WASHC5: variants seen among roughly 807,000 people sequenced by gnomAD.
WASHC5 encodes WASH complex subunit 5.
In WASHC5, 101 loss-of-function variants were observed where a neutral mutation model predicts 150.4. The ratio of observed to expected loss-of-function variants is 0.67; its 90% CI spans 0.57 to 0.79. The LOEUF (loss-of-function observed/expected upper bound fraction) is 0.79. WASHC5 is among the 30% of genes least tolerant of loss of function. WASHC5 has a pLI of 0.00. For missense variants in WASHC5, 1,195 were observed against 1,396.3 expected (o/e 0.86, Z 2.30); for synonymous variants, 467 against 491.2 (o/e 0.95, Z 0.65).
intron 17 of WASHC5, among the ~76,000 whole-genome samples, chr8:125,053,609 A>G (rs745966713): frequency 2.0e-5 from 3 of 152,144 alleles, no homozygotes; most frequent in Admixed American, 6.5e-5. Context: ...TTAATATTCT[A>G]GGAAATACCA....
intron 17 of WASHC5, among the ~76,000 whole-genome samples, chr8:125,051,465 GT>G (rs1238522048): frequency 6.6e-6 from 1 of 152,186 alleles, no homozygotes; most frequent in Non-Finnish European, 1.5e-5. Context: ...CTGCAAGGGG[GT>G]TACAAAAACA....
Position 125,060,485 on chromosome 8 carries a change from C to CAAAAAAA in WASHC5, c.1521+590_1521+596dup, listed in dbSNP as rs58207257. The stretch of plus-strand genomic sequence containing the variant: ...TGGGTGACAGAACTGGATTCCGTCT[C>CAAAAAAA]AAAAAAAAAAAAAAGAGTTTATGAT... On this transcript the variant is annotated intron_variant, in intron 12 of 28. Transcript: ENST00000318410. 1.5e-3 allele frequency among the ~76,000 whole-genome samples: 197 copies of CAAAAAAA among 130,254 alleles called. 1 individual carries two copies. Among genetic ancestry groups the CAAAAAAA allele is most frequent in the African/African-American group, 5.0e-3 (186 of 37,370 alleles). The allele number at this position is 130,254 out of a possible 152,430, so 85.5% of individuals were successfully genotyped here.
chr8:125,036,342 CCTTACTG>C (rs1815704323), intron 26 of WASHC5, among the ~76,000 whole-genome samples: 1 of 152,138 alleles, frequency 6.6e-6, no homozygotes, highest in South Asian at 2.1e-4. Flanking sequence ...GACAATGAAC[CCTTACTG>C]AGGTAGACCA....
chr8:125,055,765 C>A, intron 16 of WASHC5, 94 bp from the exon 17 acceptor site: 1 of 820,696 alleles, frequency 1.2e-6, no homozygotes, highest in Non-Finnish European at 2.2e-6. Flanking sequence ...TTTAGGACAC[C>A]TGTGTCCACA....
chr8:125,076,349 C>G lies in WASHC5; in HGVS notation c.863G>C (p.Trp288Ser), dbSNP rs1019440298. 4.3e-6 allele frequency: 7 copies of G among 1,613,448 alleles called. No homozygotes were observed. Among genetic ancestry groups the G allele is most frequent in the Non-Finnish European group, 5.1e-6 (6 of 1,179,766 alleles). Reference sequence around the variant, plus strand: ...AGGAAAAAAATTAGCAATACTTGCCCAATTATCTGGAAAGTATTTATCCAC... The same window carrying G: ...AGGAAAAAAATTAGCAATACTTGCCGAATTATCTGGAAAGTATTTATCCAC... ...EIVDKYFPDNWVISIYMGITV... is the reference protein window; with the variant it reads ...EIVDKYFPDNSVISIYMGITV... The change falls in exon 7 of 29, where the codon TGG becomes TCG. Residue 288 changes from tryptophan (W) to serine (S), a missense_variant and splice_region_variant. Coordinates refer to ENST00000318410, the MANE Select transcript of WASHC5 (RefSeq NM_014846.4).
Position 125,044,004 on chromosome 8 carries a change from T to C in WASHC5, c.2758A>G (p.Lys920Glu). 2 of 1,612,868 alleles carry C rather than the reference T, an allele frequency of 1.2e-6. No individual in the cohort carries two copies. Among genetic ancestry groups the C allele is most frequent in the Non-Finnish European group, 1.7e-6 (2 of 1,178,838 alleles). ...KTLMNAVSPL[K>E]SIVANSNKIY... ...TCAGGACACTCACCGACAATACTTT[T>C]TAGGGGACTGACAGCATTCATGAGG... Residue 920 changes from lysine to glutamate, a missense_variant, in exon 22 of 29, where the codon AAA becomes GAA. By Grantham distance (56) the Lys-to-Glu change is moderately conservative. This residue lies in a region of WASHC5 where 997 missense variants were observed against 1,168.1 expected (regional missense o/e 0.85). Coordinates refer to ENST00000318410, the MANE Select transcript of WASHC5 (RefSeq NM_014846.4).
intron 9 of WASHC5, among the ~76,000 whole-genome samples, chr8:125,068,700 C>T (rs1563628410): frequency 6.6e-6 from 1 of 152,182 alleles, no homozygotes; most frequent in Non-Finnish European, 1.5e-5. Flanking sequence ...AGCAGCAGAC[C>T]TCTGGCCATC....
At chr8:125,063,995 T>A (rs963246621) in intron 10 of WASHC5, among the ~76,000 whole-genome samples, 4 of 152,170 alleles carry the variant, frequency 2.6e-5, no homozygotes, top group Non-Finnish European at 5.9e-5. Context: ...GAGATTAAAT[T>A]TGTGACCACT....
At chr8:125,046,020 G>A (rs1816056147) in intron 20 of WASHC5, among the ~76,000 whole-genome samples, 3 of 152,136 alleles carry the variant, frequency 2.0e-5, no homozygotes, top group Admixed American at 1.3e-4. Context: ...TTTGGAATAA[G>A]GTTATGCATA....
rs920977650 is a variant in WASHC5, at chr8:125,024,683, T to G, written c.3424-10A>C. On this transcript the variant is annotated splice_polypyrimidine_tract_variant and intron_variant, in intron 28 of 28. Transcript: ENST00000318410. ...CATGTGCTTCAGCAACCTGAAAAAT[T>G]AAAGAATTAAATTATTCATGGTGTT... The G allele has an allele frequency of 6.3e-7, 1 of 1,580,808 alleles. No individual in the cohort carries two copies. Among genetic ancestry groups the G allele is most frequent in the Admixed American group, 1.7e-5 (1 of 59,908 alleles).
At position 125,043,866 on chromosome 8, in the gene WASHC5, T is replaced by C; in HGVS notation, c.2809A>G (p.Thr937Ala). The change falls in exon 23 of 29, where the codon ACA becomes GCA. Residue 937 changes from threonine (T) to alanine (A), a missense_variant. Thr to Ala is a moderately conservative substitution (Grantham distance 58). Coordinates refer to ENST00000318410, the MANE Select transcript of WASHC5 (RefSeq NM_014846.4). ...AGATACGCAGTCCAAATCTTCTGTG[T>C]TTTGGCAATGGCGGAAAAATAAATT... ...NKIYFSAIAK[T>A]QKIWTAYLEA... The C allele has an allele frequency of 1.2e-6, 2 of 1,613,096 alleles. No individual in the cohort carries two copies. The highest frequency in any genetic ancestry group is 1.7e-6 in the Non-Finnish European group (2 of 1,179,052).
Position 125,061,140 on chromosome 8 carries a change from T to G in WASHC5, c.1463A>C (p.Tyr488Ser). The G allele has an allele frequency of 6.2e-7, 1 of 1,612,804 alleles. No homozygotes were observed. Among genetic ancestry groups the G allele is most frequent in the Non-Finnish European group, 8.5e-7 (1 of 1,178,844 alleles). ...EISKQILSLN[Y>S]DDSTAAGRKT... ...TCTGCCCGCAGCAGTAGAATCATCA[T>G]AATTTAAAGACAATATTTGTTTTGA... Residue 488 changes from tyrosine to serine, a missense_variant, in exon 12 of 29, where the codon TAT becomes TCT. Physicochemically the swap from Tyr to Ser is moderately radical, Grantham distance 144. Around this residue, in one of 3 missense-constraint regions of WASHC5, gnomAD observed 997 missense variants for 1,168.1 expected, o/e 0.85. Coordinates refer to ENST00000318410, the MANE Select transcript of WASHC5 (RefSeq NM_014846.4).
At chr8:125,031,674 G>T (rs982179487) in intron 27 of WASHC5, among the ~76,000 whole-genome samples, 1 of 152,156 alleles carries the variant, frequency 6.6e-6, no homozygotes, top group Non-Finnish European at 1.5e-5. Context: ...GGAGGCACAG[G>T]ACCCAGCATC....
chr8:125,075,699 C>T (rs988079739), intron 7 of WASHC5, among the ~76,000 whole-genome samples: 4 of 152,148 alleles, frequency 2.6e-5, no homozygotes, highest in African/African-American at 9.7e-5. Context: ...AAATTGAAGG[C>T]CCCTCATAAC....
At chr8:125,062,976 T>C (rs1816643997) in intron 11 of WASHC5, among the ~76,000 whole-genome samples, 1 of 152,190 alleles carries the variant, frequency 6.6e-6, no homozygotes, top group Admixed American at 6.5e-5. Context: ...AAATTTTAGT[T>C]TGTGTTTTTT....
chr8:125,041,544 G>A (rs1298802361), intron 23 of WASHC5, among the ~76,000 whole-genome samples: 1 of 152,118 alleles, frequency 6.6e-6, no homozygotes, highest in Non-Finnish European at 1.5e-5. Context: ...GGAAGGCTGA[G>A]GTATGAGAAA....
chr8:125,067,605 A>G lies in WASHC5; in HGVS notation c.1265T>C (p.Phe422Ser), dbSNP rs1474476303. ...QLLLDTAQFE[F>S]ILKEMFKQML... ...AAATATTTTTACCTCTTTGAGTATAAACTCAAATTGTGCAGTATCTAACAG... is the reference window on the plus strand; with the variant it reads ...AAATATTTTTACCTCTTTGAGTATAGACTCAAATTGTGCAGTATCTAACAG... The change falls in exon 10 of 29, where the codon TTT becomes TCT. Residue 422 changes from phenylalanine to serine, a missense_variant. Phe to Ser is a radical substitution (Grantham distance 155). Around this residue, in one of 3 missense-constraint regions of WASHC5, gnomAD observed 997 missense variants for 1,168.1 expected, o/e 0.85. Coordinates refer to ENST00000318410, the MANE Select transcript of WASHC5 (RefSeq NM_014846.4). 1 of 1,610,574 alleles carries G rather than the reference A, an allele frequency of 6.2e-7. No individual in the cohort carries two copies. The highest frequency in any genetic ancestry group is 2.2e-5 in the East Asian group (1 of 44,832).
chr8:125,024,577 TC>T lies in WASHC5; in HGVS notation c.*39del, dbSNP rs1815318520. On this transcript the variant is annotated 3_prime_UTR_variant, in exon 29 of 29. Transcript: ENST00000318410. ...AAATTCATTTGTGATGGTGGGAAGA[TC>T]TAAGGACAATCCTTCCATTGAAGAA... 1 of 1,420,214 alleles carries T rather than the reference TC, an allele frequency of 7.0e-7. No individual in the cohort carries two copies. Among genetic ancestry groups the T allele is most frequent in the Non-Finnish European group, 1.0e-6 (1 of 1,003,292 alleles). The allele number at this position is 1,420,214 out of a possible 1,614,324, so 88.0% of individuals were successfully genotyped here. A position where few individuals can be genotyped will look rare whatever the true frequency, so the allele number is the denominator to read the frequency against.
At position 125,083,830 on chromosome 8, in the gene WASHC5, A is replaced by C. The variant is rs1462402847; in HGVS notation, c.69T>G (p.Asn23Lys). The C allele has an allele frequency of 6.2e-7, 1 of 1,613,956 alleles. No homozygotes were observed. The highest frequency in any genetic ancestry group is 8.5e-7 in the Non-Finnish European group (1 of 1,179,978). Residue 23 changes from asparagine to lysine, a missense_variant, in exon 2 of 29, where the codon AAT becomes AAG. Around this residue, in one of 3 missense-constraint regions of WASHC5, gnomAD observed 195 missense variants for 206.9 expected, o/e 0.94. Coordinates refer to ENST00000318410, the MANE Select transcript of WASHC5 (RefSeq NM_014846.4). The stretch of plus-strand genomic sequence containing the variant: ...GTCTCAAAAGTTCAGCAATGATGGC[A>C]TTACCACAGGAAACAATCCTTAGGA... ...QAILRIVSCG[N>K]AIIAELLRLS...
Sources: allele counts gnomAD v4.1 joint callset (sites outside exome capture counted in the v4.1 genomes callset), GRCh38; gene constraint gnomAD v4.1.1; regional missense constraint gnomAD v4.1.1; transcripts MANE v1.5; gene names NCBI Gene and HGNC (gene_info 2026-07-23, HGNC 2026-07-21).